The following ITSN1 variants were observed in gnomAD, a reference collection of about 807,000 sequenced individuals.
ITSN1 encodes intersectin-1.
A neutral mutation model predicts 239.8 loss-of-function variants in ITSN1; 58 were observed. The ratio of observed to expected loss-of-function variants is 0.24; its 90% CI spans 0.20 to 0.30. The LOEUF is 0.30. Among genes scored for constraint, ITSN1 ranks in the 10% least tolerant of loss-of-function variants. ITSN1 has a pLI of 1.00. For synonymous variants in ITSN1, 780 were observed against 770.8 expected, an observed-to-expected ratio of 1.01 and a Z score of -0.20; for missense variants, 1,558 against 2,103.3, an observed-to-expected ratio of 0.74 and a Z score of 5.07.
At chr21:33,829,809 G>A in intron 27 of ITSN1, 64 bp downstream of exon 27, 1 of 1,588,616 alleles carries the variant, frequency 6.3e-7, no homozygotes, top group Non-Finnish European at 8.6e-7. Flanking sequence ...AATCTCAAAG[G>A]GACGCTATTT....
rs1986092032 is a variant in ITSN1, at chr21:33,888,267, C to G, written c.5133C>G (p.Val1711=). ...AAGTCCCCACGGGAGAGATTGTGGT[C>G]CGCTTGGACCTGCAGTTGTTTGATG... ...LHEVPTGEIV[V]RLDLQLFDEP The change falls in exon 40 of 40, where the codon GTC becomes GTG. Residue 1711 remains valine, a synonymous_variant. Coordinates refer to ENST00000381318, the MANE Select transcript of ITSN1 (RefSeq NM_003024.3). The G allele has an allele frequency of 5.0e-6, 8 of 1,613,938 alleles. No homozygotes were observed. In the South Asian group the frequency reaches 8.8e-5, roughly 18 times the overall value.
At chr21:33,827,029 A>G (rs1305871164) in intron 26 of ITSN1, among the ~76,000 whole-genome samples, 166 bp downstream of exon 26, 2 of 152,250 alleles carry the variant, frequency 1.3e-5, no homozygotes, top group Non-Finnish European at 2.9e-5. Flanking sequence ...TTACTTGGTT[A>G]TGAGATTTGT....
intron 14 of ITSN1, among the ~76,000 whole-genome samples, chr21:33,779,700 A>G (rs1456609730): frequency 6.6e-6 from 1 of 152,214 alleles, no homozygotes; most frequent in Admixed American, 6.5e-5. Flanking sequence ...TTATTGTTTC[A>G]TGTACTTTGA....
intron 33 of ITSN1, 115 bp from the exon 34 acceptor site, chr21:33,875,239 G>T: frequency 7.2e-6 from 8 of 1,108,844 alleles, no homozygotes; most frequent in Non-Finnish European, 9.4e-6. Flanking sequence ...TCAAGTGGGC[G>T]CCGTCCATGA....
chr21:33,865,346 G>C lies in ITSN1; in HGVS notation c.4074+12G>C, dbSNP rs1981372753. 2 of 1,532,914 alleles carry C rather than the reference G, an allele frequency of 1.3e-6. No individual in the cohort carries two copies. Among genetic ancestry groups the C allele is most frequent in the East Asian group, 4.8e-5 (2 of 42,052 alleles). 95.0% of individuals were successfully genotyped at this position (1,532,914 alleles called of 1,614,324 possible). The stretch of plus-strand genomic sequence containing the variant: ...AGGAGTTCGTCAAAGTAAGGAGCCA[G>C]GCTGTGCAGAGACTGGGCCCCAGAG... On this transcript the variant is annotated intron_variant, in intron 32 of 39. Coordinates refer to ENST00000381318, the MANE Select transcript of ITSN1 (RefSeq NM_003024.3). This position sits in a 1 kb window ranked among gnomAD's most constrained non-coding sequence, Gnocchi z 4.4.
chr21:33,883,991 C>G (rs1985383937), intron 36 of ITSN1, among the ~76,000 whole-genome samples: 1 of 151,024 alleles, frequency 6.6e-6, no homozygotes, highest in South Asian at 2.1e-4. Context: ...CCTTAACCTC[C>G]TGGGCTCAGG....
chr21:33,670,527 G>A (rs1332408747), intron 1 of ITSN1, among the ~76,000 whole-genome samples: 1 of 151,744 alleles, frequency 6.6e-6, no homozygotes, highest in Non-Finnish European at 1.5e-5. Flanking sequence ...AGTCGGAAGA[G>A]TGGCCATCGT....
intron 1 of ITSN1, among the ~76,000 whole-genome samples, chr21:33,712,420 T>G (rs2092442043): frequency 2.0e-5 from 3 of 152,160 alleles, no homozygotes; most frequent in Non-Finnish European, 4.4e-5. Flanking sequence ...CCTTTCTCAG[T>G]TCAGTTTTCA....
rs369327593 is a variant in ITSN1, at chr21:33,811,171, C to T, written c.2516C>T (p.Thr839Ile). ...LRETPAPLAV[T>I]SSEPSTTPNN... The stretch of plus-strand genomic sequence containing the variant: ...GAGACCCCCGCCCCTTTGGCAGTAA[C>T]CTCTTCAGAGCCCTCCACGACCCCT... Residue 839 changes from threonine (T) to isoleucine (I), a missense_variant, in exon 21 of 40, where the codon ACC becomes ATC. By Grantham distance (89) the Thr-to-Ile change is moderately conservative. This residue lies in a region of ITSN1 where 982 missense variants were observed against 1,209.9 expected (regional missense o/e 0.81). Coordinates refer to ENST00000381318, the MANE Select transcript of ITSN1 (RefSeq NM_003024.3). 1 of 1,612,212 alleles carries T rather than the reference C, an allele frequency of 6.2e-7. No homozygotes were observed. Among genetic ancestry groups the T allele is most frequent in the Non-Finnish European group, 8.5e-7 (1 of 1,179,646 alleles).
intron 28 of ITSN1, among the ~76,000 whole-genome samples, chr21:33,834,849 G>A (rs1299278462): frequency 6.6e-6 from 1 of 152,136 alleles, no homozygotes. Flanking sequence ...ATAATGTGGT[G>A]TTCACTGAAG....
intron 16 of ITSN1, among the ~76,000 whole-genome samples, chr21:33,787,636 C>T (rs930383006): frequency 4.6e-5 from 7 of 151,348 alleles, no homozygotes; most frequent in African/African-American, 1.7e-4. Flanking sequence ...TGTTTAGCAA[C>T]CAGAGGAAAA....
chr21:33,703,087 G>C (rs933189550), intron 1 of ITSN1, among the ~76,000 whole-genome samples: 2 of 139,958 alleles, frequency 1.4e-5, no homozygotes, highest in African/African-American at 6.5e-5. Context: ...CTCTGTCTGT[G>C]TGTGTGTGTG....
chr21:33,722,496 CTT>C (rs1188121197), intron 3 of ITSN1, 90 bp from the exon 4 acceptor site: 118 of 1,434,542 alleles, frequency 8.2e-5, no homozygotes, highest in Non-Finnish European at 1.0e-4. Flanking sequence ...TTACCAGCCT[CTT>C]TGTAAATTTT....
Position 33,882,621 on chromosome 21 carries a change from T to A in ITSN1, c.4554+166T>A, listed in dbSNP as rs1248152294. Among the ~76,000 whole-genome samples, 1 of 152,072 alleles carries A rather than the reference T, an allele frequency of 6.6e-6. No homozygotes were observed. Among genetic ancestry groups the A allele is most frequent in the East Asian group, 1.9e-4 (1 of 5,188 alleles). ...TGTCCGGAGTGGAGGACGATCCATA[T>A]CCCGCCGCAGTGTCAGTGACACTCA... is the stretch of plus-strand genomic sequence containing the variant. On this transcript the variant is annotated intron_variant, in intron 35 of 39. Transcript: ENST00000381318. The surrounding 1 kb of genome is among the most constrained non-coding windows in gnomAD (Gnocchi z 4.5).
At chr21:33,807,935 C>T (rs1207831213) in intron 20 of ITSN1, among the ~76,000 whole-genome samples, 1 of 151,918 alleles carries the variant, frequency 6.6e-6, no homozygotes, top group African/African-American at 2.4e-5. Flanking sequence ...CCTGTAATCC[C>T]AGCACTTTGG....
intron 1 of ITSN1, chr21:33,643,946 G>A (rs2087693517): frequency 6.6e-6 from 1 of 152,300 alleles, no homozygotes; most frequent in South Asian, 2.1e-4. Flanking sequence ...AAGGCACAGA[G>A]ATCTCATGGA....
At chr21:33,796,238 T>C (rs1302133797) in intron 17 of ITSN1, among the ~76,000 whole-genome samples, 1 of 152,182 alleles carries the variant, frequency 6.6e-6, no homozygotes, top group Non-Finnish European at 1.5e-5. Context: ...CCCAAAGTGC[T>C]GGGATTACAG....
chr21:33,827,739 A>T (rs941620660), intron 26 of ITSN1, among the ~76,000 whole-genome samples: 1 of 152,258 alleles, frequency 6.6e-6, no homozygotes, highest in African/African-American at 2.4e-5. Context: ...AAAAGAAAAG[A>T]AAGAAGCGGA....
At chr21:33,681,917 C>T (rs1397098833) in intron 1 of ITSN1, among the ~76,000 whole-genome samples, 1 of 151,946 alleles carries the variant, frequency 6.6e-6, no homozygotes, top group African/African-American at 2.4e-5. Context: ...ATCCACCCGT[C>T]TCGGCCTCCC....
Sources: gnomAD v4.1 joint callset for allele counts (sites outside exome capture counted in the v4.1 genomes callset) on GRCh38, gnomAD v4.1.1 for gene constraint, gnomAD v4.1.1 regional missense constraint, Gnocchi (gnomAD v3.1) non-coding constraint, MANE v1.5 for transcripts, NCBI Gene and HGNC (gene_info 2026-07-23, HGNC 2026-07-21) for gene names.